The following TENT5D variants were observed in gnomAD, a reference collection of about 807,000 sequenced individuals.
TENT5D encodes cancer/testis antigen 112.
For synonymous variants in TENT5D, 103 were observed against 100.6 expected, an observed-to-expected ratio of 1.02 and a Z score of -0.15; for missense variants, 191 against 287.0, an observed-to-expected ratio of 0.67 and a Z score of 2.42.
At chrX:80,434,711 A>G (rs1287979096) in intron 1 of TENT5D, among the ~76,000 whole-genome samples, 7 of 110,979 alleles carry the variant, frequency 6.3e-5, no homozygotes, top group Non-Finnish European at 1.1e-4. Context: ...TTTTGGAAGG[A>G]AATTTGAAAA....
intron 1 of TENT5D, among the ~76,000 whole-genome samples, chrX:80,431,268 T>C (rs1602222542): frequency 9.0e-6 from 1 of 110,975 alleles, no homozygotes; most frequent in Admixed American, 9.6e-5. Flanking sequence ...AAATAGGGTA[T>C]GGGGCCTGAT....
intron 3 of TENT5D, among the ~76,000 whole-genome samples, chrX:80,404,371 T>C (rs1931442055): frequency 8.9e-6 from 1 of 111,815 alleles, no homozygotes; most frequent in African/African-American, 3.2e-5. Context: ...AAAATGTTAA[T>C]AATATTGACC....
chrX:80,346,998 G>A (rs759995540), intron 3 of TENT5D, among the ~76,000 whole-genome samples: 1 of 111,509 alleles, frequency 9.0e-6, no homozygotes, highest in South Asian at 3.8e-4. Flanking sequence ...CCTTGCAAAG[G>A]ACATGAACTC....
chrX:80,443,888 A>G (rs1001397107), exon 3 of TENT5D: 1 of 422,594 alleles, frequency 2.4e-6, no homozygotes, highest in African/African-American at 2.4e-5. Flanking sequence ...CATAGTAAAT[A>G]CAATATCTAT....
chrX:80,358,821 T>C (rs1370171345), intron 3 of TENT5D, among the ~76,000 whole-genome samples: 1 of 111,815 alleles, frequency 8.9e-6, no homozygotes, highest in Non-Finnish European at 1.9e-5. Flanking sequence ...ATGGAAAACA[T>C]TGTGTTAACT....
At chrX:80,397,883 A>C (rs1931313390) in intron 3 of TENT5D, among the ~76,000 whole-genome samples, 1 of 111,680 alleles carries the variant, frequency 9.0e-6, no homozygotes, top group African/African-American at 3.2e-5. Flanking sequence ...GCAGCAGTAC[A>C]GTCCAGCTTC....
intron 3 of TENT5D, among the ~76,000 whole-genome samples, chrX:80,356,759 ATTTT>A (rs905885653): frequency 2.7e-4 from 30 of 111,104 alleles, no homozygotes; most frequent in African/African-American, 9.8e-4. Flanking sequence ...GAAGTTTTTT[ATTTT>A]TTTATTTTTT....
intron 3 of TENT5D, among the ~76,000 whole-genome samples, chrX:80,353,217 A>C (rs1422567161): frequency 8.9e-6 from 1 of 112,362 alleles, no homozygotes; most frequent in Non-Finnish European, 1.9e-5. Flanking sequence ...AGTTCTTTGT[A>C]AGATGTGTGA....
chrX:80,373,308 A>G (rs905391595), intron 3 of TENT5D, among the ~76,000 whole-genome samples: 8 of 111,258 alleles, frequency 7.2e-5, no homozygotes, highest in Non-Finnish European at 1.3e-4. Flanking sequence ...CAGAATTTCA[A>G]TATTTGGGAT....
intron 3 of TENT5D, among the ~76,000 whole-genome samples, chrX:80,404,435 G>T (rs1251022044): frequency 9.0e-6 from 1 of 111,565 alleles, no homozygotes; most frequent in Non-Finnish European, 1.9e-5. Context: ...TTGTATTAAG[G>T]AGTGTGTTAA....
chrX:80,406,257 T>C (rs1288412331), intron 3 of TENT5D, among the ~76,000 whole-genome samples: 2 of 112,089 alleles, frequency 1.8e-5, no homozygotes. Context: ...GGAGAATGAC[T>C]TCGACGAGCT....
intron 1 of TENT5D, among the ~76,000 whole-genome samples, chrX:80,433,655 G>A (rs932737846): frequency 9.0e-6 from 1 of 111,687 alleles, no homozygotes; most frequent in African/African-American, 3.3e-5. Context: ...CGTGTTTATA[G>A]GTGCCTAGCA....
chrX:80,377,277 G>A (rs1356346267), intron 3 of TENT5D, among the ~76,000 whole-genome samples: 1 of 111,421 alleles, frequency 9.0e-6, no homozygotes, highest in Non-Finnish European at 1.9e-5. Flanking sequence ...GGGTACATGT[G>A]CACAACATGC....
chrX:80,369,494 T>C (rs1930576913), intron 3 of TENT5D, among the ~76,000 whole-genome samples: 1 of 111,655 alleles, frequency 9.0e-6, no homozygotes, highest in Non-Finnish European at 1.9e-5. Context: ...TGAAATGAGT[T>C]AGCTAGCATT....
intron 1 of TENT5D, among the ~76,000 whole-genome samples, chrX:80,428,917 C>T (rs781323208): frequency 2.7e-5 from 3 of 111,802 alleles, no homozygotes; most frequent in South Asian, 3.8e-4. Context: ...AAGCCCTTCA[C>T]GATTGTGCAG....
intron 3 of TENT5D, among the ~76,000 whole-genome samples, chrX:80,389,224 T>C (rs1931082011): frequency 9.0e-6 from 1 of 111,238 alleles, no homozygotes; most frequent in Non-Finnish European, 1.9e-5. Context: ...TTTTGGTTCT[T>C]ACAAAGATGC....
intron 2 of TENT5D, among the ~76,000 whole-genome samples, chrX:80,337,829 A>G (rs1253992186): frequency 9.1e-6 from 1 of 110,255 alleles, no homozygotes; most frequent in Non-Finnish European, 1.9e-5. Flanking sequence ...GTGCAGTGCA[A>G]TCTTGGCTCG....
chrX:80,372,403 C>T (rs954810869), intron 3 of TENT5D, among the ~76,000 whole-genome samples: 5 of 111,662 alleles, frequency 4.5e-5, no homozygotes, highest in African/African-American at 6.5e-5. Flanking sequence ...TTCACAAAAG[C>T]GCATTATCAT....
intron 3 of TENT5D, among the ~76,000 whole-genome samples, chrX:80,385,900 G>A (rs1314283612): frequency 8.9e-6 from 1 of 112,154 alleles, no homozygotes; most frequent in Non-Finnish European, 1.9e-5. Context: ...TTAGAATGGT[G>A]ATCATTAAAA....
Sources: gnomAD v4.1 joint callset for allele counts (sites outside exome capture counted in the v4.1 genomes callset) on GRCh38, gnomAD v4.1.1 for gene constraint, MANE v1.5 for transcripts, NCBI Gene and HGNC (gene_info 2026-07-23, HGNC 2026-07-21) for gene names.